Variants in TET1 observed in about 807,000 individuals in gnomAD.
The protein encoded by TET1 is methylcytosine dioxygenase TET1.
A neutral mutation model predicts 148.7 loss-of-function variants in TET1; 13 were observed. The ratio of observed to expected loss-of-function variants is 0.09; its 90% CI spans 0.06 to 0.14. The LOEUF is 0.14. TET1 is among the 10% of genes least tolerant of loss of function. TET1 has a pLI of 1.00. For synonymous variants in TET1, 907 were observed against 937.2 expected (o/e 0.97, Z 0.59); for missense variants, 2,182 against 2,553.8 (o/e 0.85, Z 3.14).
At position 68,646,134 on chromosome 10, in the gene TET1, T is replaced by C. The variant is rs1305363462; in HGVS notation, c.3405T>C (p.His1135=). ...QKPPSSVHNN[H]GSSLTKQKNP... is the part of the protein sequence containing the mutation. ...CACCTTCAAGTGTACACAATAATCA[T>C]GGTTCATCATTAACAAAACAAAAGA... The change falls in exon 4 of 12, where the codon CAT becomes CAC. Residue 1135 remains histidine, a synonymous_variant. Coordinates refer to ENST00000373644, the MANE Select transcript of TET1 (RefSeq NM_030625.3). 1.2e-5 allele frequency: 19 copies of C among 1,613,320 alleles called. No homozygotes were observed. The highest frequency in any genetic ancestry group is 2.2e-5 in the South Asian group (2 of 90,900).
intron 2 of TET1, among the ~76,000 whole-genome samples, chr10:68,590,271 C>A (rs2053904405): frequency 6.6e-6 from 1 of 151,890 alleles, no homozygotes; most frequent in African/African-American, 2.4e-5. Context: ...TACCACCATG[C>A]CCGGCTAGTG....
At chr10:68,596,219 T>G (rs1012217278) in intron 2 of TET1, among the ~76,000 whole-genome samples, 3 of 151,234 alleles carry the variant, frequency 2.0e-5, no homozygotes, top group Non-Finnish European at 4.4e-5. Context: ...ACATTTCTTT[T>G]AAGGTTATTT....
chr10:68,615,929 A>G (rs1202587376), intron 3 of TET1, among the ~76,000 whole-genome samples: 1 of 152,172 alleles, frequency 6.6e-6, no homozygotes, highest in Non-Finnish European at 1.5e-5. Flanking sequence ...TTACAGGCAT[A>G]AGCCACCACG....
At chr10:68,633,554 G>A (rs958927851) in intron 3 of TET1, among the ~76,000 whole-genome samples, 4 of 151,838 alleles carry the variant, frequency 2.6e-5, no homozygotes, top group Admixed American at 2.6e-4. Context: ...GCTAATTTTT[G>A]TATTAGGTTA....
In TET1 at chr10:68,692,814, G is replaced by A. The variant is rs781717384; in HGVS notation, c.*1000G>A. 3.0e-5 allele frequency: 7 copies of A among 231,464 alleles called. No homozygotes were observed. Among genetic ancestry groups the A allele is most frequent in the Non-Finnish European group, 6.0e-5 (7 of 117,188 alleles). 14.3% of individuals were successfully genotyped at this position (231,464 alleles called of 1,614,324 possible). A position where few individuals can be genotyped will look rare whatever the true frequency, so the allele number is the denominator to read the frequency against. ...CCTTTCTCAGTATAATCCATGAGAG[G>A]TGTTTCCAAAAGGAGATGAGGGAAC... On this transcript the variant is annotated 3_prime_UTR_variant, in exon 12 of 12. Coordinates refer to ENST00000373644, the MANE Select transcript of TET1 (RefSeq NM_030625.3).
intron 2 of TET1, 81 bp from the exon 3 acceptor site, chr10:68,600,900 A>T: frequency 8.0e-7 from 1 of 1,256,442 alleles, no homozygotes; most frequent in Non-Finnish European, 1.1e-6. Context: ...TTTTACAGAG[A>T]AATAGCCAAA....
intron 2 of TET1, among the ~76,000 whole-genome samples, chr10:68,585,012 T>C (rs568139718): frequency 2.4e-4 from 36 of 151,898 alleles, no homozygotes; most frequent in South Asian, 6.3e-4. Flanking sequence ...TGTTTTGTTT[T>C]GCTTTGTTCG....
chr10:68,690,747 A>C (rs1284961457), intron 11 of TET1, 61 bp from the exon 12 acceptor site: 2 of 1,484,078 alleles, frequency 1.3e-6, no homozygotes, highest in South Asian at 1.4e-5. Context: ...AATACTTTTT[A>C]AAAGGCAACC....
At position 68,622,379 on chromosome 10, in the gene TET1, CT is replaced by C. The variant is rs545979985; in HGVS notation, c.1968+21346del. Among the ~76,000 whole-genome samples the C allele has an allele frequency of 6.9e-3, 1,045 of 152,198 alleles. 15 individuals carry two copies. The highest frequency in any genetic ancestry group is 0.023 in the African/African-American group (975 of 41,518). On this transcript the variant is annotated intron_variant, in intron 3 of 11. Transcript: ENST00000373644. ...TCCCAGGTTCTAACAATTCTCCTGCCTCAGCCTCCAGAGTAGCTGGGATTGC... is the reference window on the plus strand; with the variant it reads ...TCCCAGGTTCTAACAATTCTCCTGCCCAGCCTCCAGAGTAGCTGGGATTGC...
rs1382097600 is a variant in TET1 at position 68,573,167 on chromosome 10, G to A, written c.829G>A (p.Val277Ile). 1.9e-6 allele frequency: 3 copies of A among 1,614,010 alleles called. No homozygotes were observed. The highest frequency in any genetic ancestry group is 2.2e-5 in the South Asian group (2 of 91,084). ...SIQLEELGSRVESLKLSDSYL... is the reference protein window; with the variant it reads ...SIQLEELGSRIESLKLSDSYL... ...TCAGTTAGAAGAGTTGGGTTCACGA[G>A]TAGAATCTCTTAAGTTATCTGATTC... The change falls in exon 2 of 12, where the codon GTA (valine) becomes ATA (isoleucine). Residue 277 changes from valine to isoleucine, a missense_variant. Coordinates refer to ENST00000373644, the MANE Select transcript of TET1 (RefSeq NM_030625.3).
intron 3 of TET1, among the ~76,000 whole-genome samples, chr10:68,612,380 G>A (rs368779117): frequency 2.0e-5 from 3 of 151,932 alleles, no homozygotes; most frequent in African/African-American, 4.8e-5. Flanking sequence ...ATGAGCCACC[G>A]GGCCCGGCCA....
chr10:68,633,190 A>C (rs1381707927), intron 3 of TET1, among the ~76,000 whole-genome samples: 1 of 152,014 alleles, frequency 6.6e-6, no homozygotes, highest in Non-Finnish European at 1.5e-5. Flanking sequence ...TCTCAAAAAA[A>C]ACAAAAACAA....
chr10:68,617,443 C>A (rs2054310070), intron 3 of TET1, among the ~76,000 whole-genome samples: 3 of 152,084 alleles, frequency 2.0e-5, no homozygotes. Context: ...TACAGGGACA[C>A]CCTACCAAGC....
chr10:68,665,898 G>A (rs1368455338), intron 6 of TET1, among the ~76,000 whole-genome samples: 1 of 152,098 alleles, frequency 6.6e-6, no homozygotes, highest in African/African-American at 2.4e-5. Context: ...GTGATATTGG[G>A]TAACTAACTT....
intron 6 of TET1, among the ~76,000 whole-genome samples, chr10:68,659,840 TCAAGA>T (rs2055079947): frequency 6.6e-6 from 1 of 152,182 alleles, no homozygotes; most frequent in South Asian, 2.1e-4. Flanking sequence ...AGTGGCCAGA[TCAAGA>T]CATTACCAAA....
At chr10:68,592,925 A>C (rs2053935031) in intron 2 of TET1, among the ~76,000 whole-genome samples, 1 of 152,200 alleles carries the variant, frequency 6.6e-6, no homozygotes, top group Non-Finnish European at 1.5e-5. Context: ...TACACTCAGC[A>C]CTATGTCTGC....
Position 68,668,337 on chromosome 10 carries a change from C to T in TET1, c.4673+1081C>T, listed in dbSNP as rs536896556. On this transcript the variant is annotated intron_variant, in intron 7 of 11. Transcript: ENST00000373644. ...GGTATTTAGGCATGTTTTTCTATGA[C>T]TTTAAGCAAAGCAACATATAATGAA... Among the ~76,000 whole-genome samples, 375 of 152,250 alleles carry T rather than the reference C, an allele frequency of 2.5e-3. 2 individuals are homozygous for T. The highest frequency in any genetic ancestry group is 8.4e-3 in the African/African-American group (347 of 41,540).
chr10:68,649,272 A>T (rs1311816038), intron 4 of TET1, among the ~76,000 whole-genome samples: 3 of 152,208 alleles, frequency 2.0e-5, no homozygotes, highest in Admixed American at 6.5e-5. Flanking sequence ...CTATCCTTAT[A>T]ACGAACACTC....
chr10:68,630,730 G>A (rs2054556838), intron 3 of TET1, among the ~76,000 whole-genome samples: 1 of 152,196 alleles, frequency 6.6e-6, no homozygotes, highest in Admixed American at 6.6e-5. Flanking sequence ...AGTGTAGGTT[G>A]ATGCCAAGTA....
Sources: gnomAD v4.1 joint callset for allele counts (sites outside exome capture counted in the v4.1 genomes callset) on GRCh38, gnomAD v4.1.1 for gene constraint, MANE v1.5 for transcripts, NCBI Gene and HGNC (gene_info 2026-07-23, HGNC 2026-07-21) for gene names.